Variants in LOC400499 observed in about 807,000 individuals in gnomAD.
the LOC400499 span, among the ~76,000 whole-genome samples, chr16:11,397,797 G>GGATGGATGGATGGATGGAT: frequency 1.4e-5 from 2 of 142,268 alleles, no homozygotes; most frequent in African/African-American, 5.5e-5. Context: ...GAGGGAGGGA[G>GGATGGATGGATGGATGGAT]GGATGGACGG....
the LOC400499 span, among the ~76,000 whole-genome samples, chr16:11,509,405 A>C: frequency 1.3e-5 from 2 of 150,868 alleles, no homozygotes; most frequent in African/African-American, 4.9e-5. Context: ...GGCGTGAGCC[A>C]CCATGCCCAG....
the LOC400499 span, chr16:11,383,962 G>A: frequency 2.4e-6 from 3 of 1,231,740 alleles, no homozygotes; most frequent in Admixed American, 4.2e-5. Flanking sequence ...TCCCGGGCAG[G>A]CCTGCTCCTG....
the LOC400499 span, among the ~76,000 whole-genome samples, chr16:11,374,400 A>G: frequency 6.6e-6 from 1 of 152,234 alleles, no homozygotes; most frequent in Non-Finnish European, 1.5e-5. Context: ...ATTCAGTGTA[A>G]GTACATGCAC....
At chr16:11,451,744 A>G in the LOC400499 span, among the ~76,000 whole-genome samples, 88 of 152,316 alleles carry the variant, frequency 5.8e-4, no homozygotes, top group African/African-American at 1.9e-3. Flanking sequence ...TCAAAGGGGC[A>G]GGCAACCCAC....
At chr16:11,452,436 G>C in the LOC400499 span, among the ~76,000 whole-genome samples, 29 of 152,266 alleles carry the variant, frequency 1.9e-4, 1 homozygote, top group Admixed American at 1.9e-3. Flanking sequence ...GCAGGAAACA[G>C]ACCTAGAGCT....
the LOC400499 span, among the ~76,000 whole-genome samples, chr16:11,505,783 T>G: frequency 2.6e-5 from 4 of 152,184 alleles, no homozygotes; most frequent in South Asian, 8.3e-4. Context: ...ATTCACATAT[T>G]TTCAGGGTAC....
At chr16:11,510,549 G>T in the LOC400499 span, among the ~76,000 whole-genome samples, 2 of 151,630 alleles carry the variant, frequency 1.3e-5, no homozygotes, top group Non-Finnish European at 2.9e-5. Flanking sequence ...TTCCTGACAT[G>T]GATCACAGTC....
At chr16:11,444,544 TTA>T in the LOC400499 span, among the ~76,000 whole-genome samples, 1 of 152,226 alleles carries the variant, frequency 6.6e-6, no homozygotes, top group Non-Finnish European at 1.5e-5. Context: ...GTAACGGTAG[TTA>T]TGAGTGAACA....
chr16:11,462,155 G>A, the LOC400499 span: 23 of 1,530,388 alleles, frequency 1.5e-5, 1 homozygote, highest in South Asian at 9.6e-5. Flanking sequence ...ATGGCTCAGC[G>A]ATGCGGAGAA....
At chr16:11,448,916 T>C in the LOC400499 span, 57 of 1,468,516 alleles carry the variant, frequency 3.9e-5, no homozygotes, top group Non-Finnish European at 4.9e-5. Context: ...CCTGGGTTCT[T>C]ACCCACTCCA....
the LOC400499 span, among the ~76,000 whole-genome samples, chr16:11,389,348 C>T: frequency 4.5e-4 from 69 of 152,288 alleles, no homozygotes; most frequent in African/African-American, 1.5e-3. Flanking sequence ...AGCTTCTGCA[C>T]GGCCTGCAAG....
the LOC400499 span, among the ~76,000 whole-genome samples, chr16:11,410,470 T>TTAAA: frequency 1.3e-5 from 2 of 151,978 alleles, no homozygotes; most frequent in Non-Finnish European, 2.9e-5. Context: ...AATTTAAAAA[T>TTAAA]TAAATAAATA....
the LOC400499 span, chr16:11,398,409 T>C: frequency 1.6e-6 from 2 of 1,232,302 alleles, no homozygotes; most frequent in Non-Finnish European, 2.0e-6. Context: ...ATAGTCAGTC[T>C]GTACTTCTCC....
chr16:11,492,587 A>G, the LOC400499 span, among the ~76,000 whole-genome samples: 10 of 152,022 alleles, frequency 6.6e-5, no homozygotes, highest in Non-Finnish European at 1.3e-4. Context: ...GATCGAGACC[A>G]TCCTGGCTAA....
At chr16:11,430,980 T>C in the LOC400499 span, 1 of 398,866 alleles carries the variant, frequency 2.5e-6, no homozygotes, top group Non-Finnish European at 4.4e-6. Flanking sequence ...GAATCTACCT[T>C]GCAGTTCCAA....
chr16:11,434,270 C>G, the LOC400499 span, among the ~76,000 whole-genome samples: 1 of 152,192 alleles, frequency 6.6e-6, no homozygotes, highest in East Asian at 1.9e-4. Context: ...GCCTGCAGTC[C>G]TGGCATGTTG....
At chr16:11,407,186 T>C in the LOC400499 span, 1 of 399,054 alleles carries the variant, frequency 2.5e-6, no homozygotes, top group Non-Finnish European at 4.4e-6. Context: ...GGCCCTGGGC[T>C]GACCTCCACA....
the LOC400499 span, chr16:11,390,191 C>G: frequency 8.1e-7 from 1 of 1,232,576 alleles, no homozygotes; most frequent in Non-Finnish European, 1.0e-6. Flanking sequence ...AAGACAGCAT[C>G]TGTTGGGCGG....
chr16:11,374,166 G>A, the LOC400499 span, among the ~76,000 whole-genome samples: 1 of 152,146 alleles, frequency 6.6e-6, no homozygotes, highest in Non-Finnish European at 1.5e-5. Context: ...TACTATCTGA[G>A]TCCTGTGGGT....
Sources: allele counts gnomAD v4.1 joint callset (sites outside exome capture counted in the v4.1 genomes callset), GRCh38; gene constraint gnomAD v4.1.1; transcripts MANE v1.5.